TMEM151B: variants seen among roughly 807,000 people sequenced by gnomAD.
The protein encoded by TMEM151B is transmembrane protein 193.
A neutral mutation model predicts 33.0 loss-of-function variants in TMEM151B; 18 were observed. The observed-to-expected ratio is 0.55, with a 90% confidence interval of 0.38 to 0.81. The LOEUF (loss-of-function observed/expected upper bound fraction) is 0.81. Ranked by LOEUF, TMEM151B falls within the 30% of genes least tolerant of loss-of-function variation. The pLI, the probability that TMEM151B is intolerant of heterozygous loss-of-function variation, is 0.00. For synonymous variants in TMEM151B, 354 were observed against 373.6 expected, an observed-to-expected ratio of 0.95 and a Z score of 0.61; for missense variants, 672 against 843.4, an observed-to-expected ratio of 0.80 and a Z score of 2.52.
In TMEM151B at chr6:44,276,349, C is replaced by A. The variant is rs1428518147; in HGVS notation, c.1523C>A (p.Ser508Tyr). Reference protein sequence around the residue: ...ASCPTEQTRLSSQASMGDDED... With the variant: ...ASCPTEQTRLYSQASMGDDED... Reference sequence around the variant, plus strand: ...TGCCCCACGGAGCAGACGCGGCTGTCCAGCCAGGCCAGCATGGGGGACGAC... The same window carrying A: ...TGCCCCACGGAGCAGACGCGGCTGTACAGCCAGGCCAGCATGGGGGACGAC... The change falls in exon 3 of 3, where the codon TCC (serine) becomes TAC (tyrosine). Residue 508 changes from serine to tyrosine, a missense_variant. Physicochemically the swap from Ser to Tyr is moderately radical, Grantham distance 144. Transcript: ENST00000451188. The A allele has an allele frequency of 6.7e-7, 1 of 1,497,376 alleles. No homozygotes were observed. The highest frequency in any genetic ancestry group is 1.3e-5 in the South Asian group (1 of 79,924). 92.8% of individuals were successfully genotyped at this position (1,497,376 alleles called of 1,614,324 possible). A position where few individuals can be genotyped will look rare whatever the true frequency, so the allele number is the denominator to read the frequency against.
rs868335846 is a variant in TMEM151B at position 44,278,187 on chromosome 6, G to T, written c.*1660G>T. On this transcript the variant is annotated 3_prime_UTR_variant, in exon 3 of 3. Transcript: ENST00000451188. Reference sequence around the variant, plus strand: ...GCTCCCCTTCCCTTCTTCCTAGCGGGGAGTGCGAGGGGCCCAAATTGTGGG... The same window carrying T: ...GCTCCCCTTCCCTTCTTCCTAGCGGTGAGTGCGAGGGGCCCAAATTGTGGG... 1.9e-5 allele frequency: 3 copies of T among 155,374 alleles called. No homozygotes were observed. The highest frequency in any genetic ancestry group is 2.9e-5 in the Non-Finnish European group (2 of 68,692). 9.6% of individuals were successfully genotyped at this position (155,374 alleles called of 1,614,324 possible).
chr6:44,279,248 G>C lies in TMEM151B; in HGVS notation c.*2721G>C, dbSNP rs1782718336. 2 of 152,232 alleles carry C rather than the reference G, an allele frequency of 1.3e-5. No homozygotes were observed. Among genetic ancestry groups the C allele is most frequent in the Non-Finnish European group, 2.9e-5 (2 of 68,074 alleles). The allele number at this position is 152,232 out of a possible 1,614,324, so 9.4% of individuals were successfully genotyped here. On this transcript the variant is annotated 3_prime_UTR_variant, in exon 3 of 3. Coordinates refer to ENST00000451188, the MANE Select transcript of TMEM151B (RefSeq NM_001137560.2). ...CAGGGTGGACAGCTACAGAGTGATG[G>C]GGGACTCATGTAGGGCACCTGGAAG...
Position 44,276,569 on chromosome 6 carries a change from C to T in TMEM151B, c.*42C>T, listed in dbSNP as rs1782599313. 1 of 1,331,572 alleles carries T rather than the reference C, an allele frequency of 7.5e-7. No individual in the cohort carries two copies. Among genetic ancestry groups the T allele is most frequent in the East Asian group, 3.1e-5 (1 of 32,196 alleles). The allele number at this position is 1,331,572 out of a possible 1,614,324, so 82.5% of individuals were successfully genotyped here. The stretch of plus-strand genomic sequence containing the variant: ...GGCCCGCGCCGTCCTCCCGCCTGCC[C>T]CTCGCCGGACTGTGCTCCCTCTGCG... On this transcript the variant is annotated 3_prime_UTR_variant, in exon 3 of 3. Coordinates refer to ENST00000451188, the MANE Select transcript of TMEM151B (RefSeq NM_001137560.2).
At chr6:44,271,690 T>TG (rs1345850187) in intron 1 of TMEM151B, among the ~76,000 whole-genome samples, 1 of 152,162 alleles carries the variant, frequency 6.6e-6, no homozygotes, top group Non-Finnish European at 1.5e-5. Context: ...GAAAGGCACA[T>TG]GTACCCTAAT....
intron 2 of TMEM151B, among the ~76,000 whole-genome samples, chr6:44,274,192 CA>C (rs568284626): frequency 1.3e-4 from 19 of 143,850 alleles, no homozygotes; most frequent in Admixed American, 2.1e-4. Context: ...GACCCCATCT[CA>C]AAAAAAAAAA....
rs1212177577 is a variant in TMEM151B at position 44,276,842 on chromosome 6, G to C, written c.*315G>C. ...CCCTTCAACAGATCTTCTGTTAGAT[G>C]ACAACCGTGCCGTGGGCCCCGCGTT... On this transcript the variant is annotated 3_prime_UTR_variant, in exon 3 of 3. Coordinates refer to ENST00000451188, the MANE Select transcript of TMEM151B (RefSeq NM_001137560.2). The C allele has an allele frequency of 1.6e-5, 5 of 311,356 alleles. No individual in the cohort carries two copies. The highest frequency in any genetic ancestry group is 2.8e-5 in the Non-Finnish European group (5 of 180,202). 19.3% of individuals were successfully genotyped at this position (311,356 alleles called of 1,614,324 possible).
chr6:44,276,272 C>A lies in TMEM151B; in HGVS notation c.1446C>A (p.Ser482=). The change falls in exon 3 of 3, where the codon TCC becomes TCA. Residue 482 remains serine, a synonymous_variant. Transcript: ENST00000451188. ...SRFSLGRLYG[S]RRSCLWRSRS... is the part of the protein sequence containing the mutation. The stretch of plus-strand genomic sequence containing the variant: ...TCTCGCTGGGCCGTCTCTACGGCTC[C>A]CGGCGCAGCTGCCTGTGGCGCAGCC... 1 of 1,362,450 alleles carries A rather than the reference C, an allele frequency of 7.3e-7. No individual in the cohort carries two copies. The highest frequency in any genetic ancestry group is 9.4e-7 in the Non-Finnish European group (1 of 1,059,064). The allele number at this position is 1,362,450 out of a possible 1,614,324, so 84.4% of individuals were successfully genotyped here. A position where few individuals can be genotyped will look rare whatever the true frequency, so the allele number is the denominator to read the frequency against.
At chr6:44,272,647 G>A (rs1782410794) in intron 1 of TMEM151B, among the ~76,000 whole-genome samples, 1 of 152,146 alleles carries the variant, frequency 6.6e-6, no homozygotes, top group Non-Finnish European at 1.5e-5. Context: ...CTTCGCTGAT[G>A]CCTGTCTGTC....
chr6:44,275,926 C>T lies in TMEM151B; in HGVS notation c.1100C>T (p.Thr367Ile), dbSNP rs1269533098. 1.3e-6 allele frequency: 2 copies of T among 1,515,416 alleles called. No individual in the cohort carries two copies. Among genetic ancestry groups the T allele is most frequent in the Admixed American group, 2.1e-5 (1 of 46,514 alleles). The allele number at this position is 1,515,416 out of a possible 1,614,324, so 93.9% of individuals were successfully genotyped here. ...PLTHRLPRVN[T>I]VDSTELEWHI... ...ACCCACCGCCTGCCGCGGGTCAACA[C>T]AGTAGACAGCACGGAGCTCGAGTGG... The change falls in exon 3 of 3, where the codon ACA (threonine) becomes ATA (isoleucine). Residue 367 changes from threonine (T) to isoleucine (I), a missense_variant. This residue lies in a region of TMEM151B where 324 missense variants were observed against 363.1 expected (regional missense o/e 0.89). Coordinates refer to ENST00000451188, the MANE Select transcript of TMEM151B (RefSeq NM_001137560.2).
chr6:44,275,256 C>T (rs920264462), intron 2 of TMEM151B, 147 bp from the exon 3 acceptor site: 1 of 1,404,470 alleles, frequency 7.1e-7, no homozygotes, highest in Non-Finnish European at 9.3e-7. Context: ...AAGATCCTAA[C>T]CAGCTCCAGC....
intron 2 of TMEM151B, among the ~76,000 whole-genome samples, chr6:44,275,087 C>T (rs1042603406): frequency 7.1e-6 from 1 of 141,072 alleles, no homozygotes; most frequent in Non-Finnish European, 1.5e-5. Flanking sequence ...CACTGCACTC[C>T]AGCCTGGGCG....
In TMEM151B at chr6:44,270,691, G is replaced by A; in HGVS notation, c.-52G>A. The A allele has an allele frequency of 3.8e-6, 2 of 526,972 alleles. No individual in the cohort carries two copies. The highest frequency in any genetic ancestry group is 5.2e-6 in the Non-Finnish European group (2 of 382,782). 32.6% of individuals were successfully genotyped at this position (526,972 alleles called of 1,614,324 possible). On this transcript the variant is annotated 5_prime_UTR_variant, in exon 1 of 3. Coordinates refer to ENST00000451188, the MANE Select transcript of TMEM151B (RefSeq NM_001137560.2). ...CCAGGGCCCGCGCAGGATGCCCCCGGCCCCTGGCAGCCCCCCGGGAGGTCC... is the reference window on the plus strand; with the variant it reads ...CCAGGGCCCGCGCAGGATGCCCCCGACCCCTGGCAGCCCCCCGGGAGGTCC...
Position 44,276,687 on chromosome 6 carries a change from C to G in TMEM151B, c.*160C>G. The stretch of plus-strand genomic sequence containing the variant: ...AGACAGGCCCGGATGGGGCCGAGAC[C>G]CCCGCTGTCCCTGTACATAAAGAGA... On this transcript the variant is annotated 3_prime_UTR_variant, in exon 3 of 3. Transcript: ENST00000451188. 8.0e-7 allele frequency: 1 copy of G among 1,255,112 alleles called. No individual in the cohort carries two copies. The allele number at this position is 1,255,112 out of a possible 1,614,324, so 77.7% of individuals were successfully genotyped here.
intron 1 of TMEM151B, among the ~76,000 whole-genome samples, chr6:44,272,485 G>T (rs538258034): frequency 1.2e-4 from 18 of 152,258 alleles, no homozygotes; most frequent in African/African-American, 3.9e-4. Flanking sequence ...GGGTTAGGGA[G>T]GTGGATGGGT....
Position 44,276,389 on chromosome 6 carries a change from G to A in TMEM151B, c.1563G>A (p.Glu521=). The A allele has an allele frequency of 1.3e-6, 2 of 1,515,276 alleles. No individual in the cohort carries two copies. Among genetic ancestry groups the A allele is most frequent in the Non-Finnish European group, 1.8e-6 (2 of 1,137,168 alleles). The allele number at this position is 1,515,276 out of a possible 1,614,324, so 93.9% of individuals were successfully genotyped here. A position where few individuals can be genotyped will look rare whatever the true frequency, so the allele number is the denominator to read the frequency against. ...ASMGDDEDDD[E]EEAGPPPPYH... ...TGGGGGACGACGAGGACGACGACGA[G>A]GAGGAGGCCGGGCCGCCGCCGCCCT... Residue 521 remains glutamate (E), a synonymous_variant, in exon 3 of 3, where the codon GAG becomes GAA. Coordinates refer to ENST00000451188, the MANE Select transcript of TMEM151B (RefSeq NM_001137560.2).
chr6:44,275,721 T>G lies in TMEM151B; in HGVS notation c.895T>G (p.Ser299Ala). The part of the protein sequence containing the change: ...DPARPPWYAC[S>A]SAFWAAALLT... ...GGCCCGGCCGCCCTGGTACGCCTGC[T>G]CGTCGGCCTTCTGGGCCGCGGCGCT... The change falls in exon 3 of 3, where the codon TCG (serine) becomes GCG (alanine). Residue 299 changes from serine (S) to alanine (A), a missense_variant. Around this residue, in one of 3 missense-constraint regions of TMEM151B, gnomAD observed 285 missense variants for 423.1 expected, o/e 0.67. Coordinates refer to ENST00000451188, the MANE Select transcript of TMEM151B (RefSeq NM_001137560.2). The G allele has an allele frequency of 6.5e-7, 1 of 1,549,252 alleles. No individual in the cohort carries two copies. The highest frequency in any genetic ancestry group is 8.7e-7 in the Non-Finnish European group (1 of 1,146,218).
intron 2 of TMEM151B, among the ~76,000 whole-genome samples, chr6:44,273,882 T>C (rs963053153): frequency 2.0e-5 from 3 of 152,230 alleles, no homozygotes; most frequent in African/African-American, 7.2e-5. Context: ...TCAATCTGGC[T>C]CCAGGATCTC....
chr6:44,278,978 C>T lies in TMEM151B; in HGVS notation c.*2451C>T, dbSNP rs1160534357. On this transcript the variant is annotated 3_prime_UTR_variant, in exon 3 of 3. Transcript: ENST00000451188. ...TCTAGGTTGCCTAGACAGGCACACACATGCAGTCACTCCCAAGCCCCCTTT... is the reference window on the plus strand; with the variant it reads ...TCTAGGTTGCCTAGACAGGCACACATATGCAGTCACTCCCAAGCCCCCTTT... 2.6e-5 allele frequency: 4 copies of T among 152,278 alleles called. No homozygotes were observed. Among genetic ancestry groups the T allele is most frequent in the Admixed American group, 6.5e-5 (1 of 15,290 alleles). The allele number at this position is 152,278 out of a possible 1,614,324, so 9.4% of individuals were successfully genotyped here.
chr6:44,275,366 C>T, intron 2 of TMEM151B, 37 bp from the exon 3 acceptor site: 1 of 1,461,706 alleles, frequency 6.8e-7, no homozygotes, highest in Non-Finnish European at 9.0e-7. Flanking sequence ...CAATGACGGG[C>T]TCCCCGCGAC....
Sources: gnomAD v4.1 joint callset for allele counts (sites outside exome capture counted in the v4.1 genomes callset) on GRCh38, gnomAD v4.1.1 for gene constraint, gnomAD v4.1.1 regional missense constraint, MANE v1.5 for transcripts, NCBI Gene and HGNC (gene_info 2026-07-23, HGNC 2026-07-21) for gene names.